MUC6: variants seen among roughly 807,000 people sequenced by gnomAD.
MUC6 encodes mucin-6.
In MUC6, 188 loss-of-function variants were observed where a neutral mutation model predicts 201.5. The ratio of observed to expected loss-of-function variants is 0.93; its 90% CI spans 0.83 to 1.05. MUC6 has a LOEUF of 1.05. MUC6 is among the 50% of genes least tolerant of loss of function. The probability of loss-of-function intolerance (pLI) is 0.00; values close to 1 mark genes in which losing one functional copy is unlikely to be tolerated. For missense variants in MUC6, 2,706 were observed against 3,256.9 expected (o/e 0.83, Z 4.12); for synonymous variants, 1,228 against 1,389.4 (o/e 0.88, Z 2.58).
chr11:1,030,566 G>A lies in MUC6; in HGVS notation c.892+7C>T. ...CCTGCCCCTCCCTCTCCCTTCCCTG[G>A]ACTCACAGCACAGGCCGGGGCTCCG... On this transcript the variant is annotated splice_region_variant and intron_variant, in intron 7 of 32. Coordinates refer to ENST00000421673, the MANE Select transcript of MUC6 (RefSeq NM_005961.3). 1 of 1,493,908 alleles carries A rather than the reference G, an allele frequency of 6.7e-7. No individual in the cohort carries two copies. Among genetic ancestry groups the A allele is most frequent in the Non-Finnish European group, 8.9e-7 (1 of 1,121,402 alleles). The allele number at this position is 1,493,908 out of a possible 1,614,324, so 92.5% of individuals were successfully genotyped here. A position where few individuals can be genotyped will look rare whatever the true frequency, so the allele number is the denominator to read the frequency against.
chr11:1,022,389 T>C (rs1856837527), intron 26 of MUC6, among the ~76,000 whole-genome samples: 1 of 152,222 alleles, frequency 6.6e-6, no homozygotes, highest in Admixed American at 6.5e-5. Flanking sequence ...TCGCTGGCTC[T>C]GCCCGCTGCC....
chr11:1,031,335 C>T, intron 4 of MUC6, 76 bp from the exon 5 acceptor site: 1 of 1,377,634 alleles, frequency 7.3e-7, no homozygotes, highest in Non-Finnish European at 9.8e-7. Flanking sequence ...TCAGTTCCTG[C>T]TCCTGGACCC....
In MUC6 at chr11:1,018,104, C is replaced by G; in HGVS notation, c.4697G>C (p.Ser1566Thr). ...TPVAHTNSAT[S>T]SRPPPPFTTH... ...GGTGAAGGGTGGTGGTGGCCTGCTG[C>G]TGGTGGCTGAGTTGGTGTGGGCCAC... The change falls in exon 31 of 33, where the codon AGC (serine) becomes ACC (threonine). Residue 1566 changes from serine to threonine, a missense_variant. Around this residue, in one of 10 missense-constraint regions of MUC6, gnomAD observed 128 missense variants for 206.5 expected, o/e 0.62. Coordinates refer to ENST00000421673, the MANE Select transcript of MUC6 (RefSeq NM_005961.3). 6.2e-7 allele frequency: 1 copy of G among 1,613,320 alleles called. No individual in the cohort carries two copies. Among genetic ancestry groups the G allele is most frequent in the African/African-American group, 1.3e-5 (1 of 74,564 alleles).
intron 22 of MUC6, 143 bp from the exon 23 acceptor site, chr11:1,025,510 G>T: frequency 9.8e-7 from 1 of 1,021,600 alleles, no homozygotes; most frequent in Non-Finnish European, 1.4e-6. Flanking sequence ...CCAGCTTGGG[G>T]CAGAAGGGCC....
intron 25 of MUC6, 68 bp from the exon 26 acceptor site, chr11:1,023,720 C>T (rs1056281944): frequency 1.3e-6 from 2 of 1,585,860 alleles, no homozygotes; most frequent in Non-Finnish European, 1.7e-6. Context: ...CCGGTGGTTC[C>T]CCTGGGCATG....
In MUC6 at chr11:1,025,788, T is replaced by G; in HGVS notation, c.2799+17A>C. 1 of 1,602,834 alleles carries G rather than the reference T, an allele frequency of 6.2e-7. No individual in the cohort carries two copies. The highest frequency in any genetic ancestry group is 8.5e-7 in the Non-Finnish European group (1 of 1,174,878). On this transcript the variant is annotated intron_variant, in intron 22 of 32. Transcript: ENST00000421673. ...TACCGCCCGTCCTGCCCTGCCAGAG[T>G]CTGCCCGGCTGCTCACCCCCAGGAA...
intron 13 of MUC6, 97 bp from the exon 14 acceptor site, chr11:1,028,484 C>T: frequency 1.9e-6 from 3 of 1,547,806 alleles, no homozygotes; most frequent in Non-Finnish European, 2.6e-6. Flanking sequence ...CTAACAGCAC[C>T]CTGGGTGAGA....
At position 1,023,514 on chromosome 11, in the gene MUC6, A is replaced by T. The variant is rs1338963647; in HGVS notation, c.3521T>A (p.Ile1174Asn). 7 of 1,582,444 alleles carry T rather than the reference A, an allele frequency of 4.4e-6. No individual in the cohort carries two copies. Among genetic ancestry groups the T allele is most frequent in the Non-Finnish European group, 3.4e-6 (4 of 1,164,046 alleles). ...SQPQSVPGSN[I>N]EGCYNCSQDE... is the part of the protein sequence containing the mutation. ...GCCTCCCGGTCACCTGGCACCTTCG[A>T]TGTTGCTGCCTGGGACGCTCTGTGG... Residue 1174 changes from isoleucine (I) to asparagine (N), a missense_variant, in exon 26 of 33, where the codon ATC (isoleucine) becomes AAC (asparagine). By Grantham distance (149) the Ile-to-Asn change is moderately radical. Around this residue, in one of 10 missense-constraint regions of MUC6, gnomAD observed 1,850 missense variants for 1,958.3 expected, o/e 0.94. Transcript: ENST00000421673.
Position 1,028,048 on chromosome 11 carries a change from C to A in MUC6, c.1765G>T (p.Glu589Ter). ...SMSQLNKVCA[E>*]THCSMLLRTG... Reference sequence around the variant, plus strand: ...CTCAGCAGCATGGAGCAGTGGGTCTCTGCACACACCTCTGGGGATGACAGG... The same window carrying A: ...CTCAGCAGCATGGAGCAGTGGGTCTATGCACACACCTCTGGGGATGACAGG... The change falls in exon 15 of 33, where the codon GAG (glutamate) becomes TAG (stop). Residue 589 changes from glutamate (E) to a stop codon, truncating the protein, a stop_gained. Transcript: ENST00000421673. LOFTEE classifies it high-confidence loss of function. 1 of 1,575,716 alleles carries A rather than the reference C, an allele frequency of 6.3e-7. No homozygotes were observed. The highest frequency in any genetic ancestry group is 2.4e-5 in the East Asian group (1 of 42,458).
intron 32 of MUC6, 129 bp downstream of exon 32, chr11:1,013,770 G>T: frequency 7.2e-7 from 1 of 1,387,268 alleles, no homozygotes; most frequent in Non-Finnish European, 9.9e-7. Context: ...GGCGGTGTTG[G>T]GCAGATGGAG....
At chr11:1,035,440 G>A (rs935845114) in intron 1 of MUC6, among the ~76,000 whole-genome samples, 22 of 152,180 alleles carry the variant, frequency 1.4e-4, no homozygotes, top group African/African-American at 4.3e-4. Flanking sequence ...AGAGGGCACC[G>A]CTGGGAGGGC....
chr11:1,015,526 G>T (rs1477015344), intron 31 of MUC6, among the ~76,000 whole-genome samples: 2 of 152,190 alleles, frequency 1.3e-5, no homozygotes, highest in African/African-American at 4.8e-5. Flanking sequence ...GTCAAGGTTA[G>T]CTGGGGAACA....
intron 12 of MUC6, 39 bp downstream of exon 12, chr11:1,028,850 G>T: frequency 6.2e-7 from 1 of 1,610,274 alleles, no homozygotes; most frequent in Non-Finnish European, 8.5e-7. Flanking sequence ...CGCCCCGAAG[G>T]CACAACTCTG....
At position 1,019,621 on chromosome 11, in the gene MUC6, G is replaced by A. The variant is rs11246382; in HGVS notation, c.3809-125C>T. On this transcript the variant is annotated intron_variant, in intron 29 of 32. Transcript: ENST00000421673. ...CTGTCCGGGACTCAGCCTCCTTGGA[G>A]GGGCTCTTCCTCTTGCCTTTGTTAG... is the stretch of plus-strand genomic sequence containing the variant. 9.1e-3 allele frequency: 7,841 copies of A among 864,332 alleles called. 54 individuals are homozygous for A. The highest frequency in any genetic ancestry group is 0.013 in the Middle Eastern group (37 of 2,810). The allele number at this position is 864,332 out of a possible 1,614,324, so 53.5% of individuals were successfully genotyped here. A position where few individuals can be genotyped will look rare whatever the true frequency, so the allele number is the denominator to read the frequency against.
At chr11:1,030,418 C>A in intron 7 of MUC6, 83 bp from the exon 8 acceptor site, 1 of 1,208,162 alleles carries the variant, frequency 8.3e-7, no homozygotes, top group Non-Finnish European at 1.1e-6. Context: ...GAGGACTTAG[C>A]CCAGCCCTTC....
Position 1,016,656 on chromosome 11 carries a change from G to C in MUC6, c.6145C>G (p.Pro2049Ala). Reference sequence around the variant, plus strand: ...GACCCTGTGGCCTTGAGCGTTGTTGGTGGAGGAACGGTGCCTGTTGGCGTT... The same window carrying C: ...GACCCTGTGGCCTTGAGCGTTGTTGCTGGAGGAACGGTGCCTGTTGGCGTT... ...HSTPTGTVPP[P>A]TTLKATGSTH... is the part of the protein sequence containing the mutation. The change falls in exon 31 of 33, where the codon CCA becomes GCA. Residue 2049 changes from proline (P) to alanine (A), a missense_variant. Coordinates refer to ENST00000421673, the MANE Select transcript of MUC6 (RefSeq NM_005961.3). 1 of 1,614,146 alleles carries C rather than the reference G, an allele frequency of 6.2e-7. No homozygotes were observed. The highest frequency in any genetic ancestry group is 8.5e-7 in the Non-Finnish European group (1 of 1,179,924).
In MUC6 at chr11:1,033,207, G is replaced by A; in HGVS notation, c.53-132C>T. 1 of 851,362 alleles carries A rather than the reference G, an allele frequency of 1.2e-6. No homozygotes were observed. The highest frequency in any genetic ancestry group is 2.1e-5 in the Admixed American group (1 of 48,172). The allele number at this position is 851,362 out of a possible 1,614,324, so 52.7% of individuals were successfully genotyped here. On this transcript the variant is annotated intron_variant, in intron 1 of 32. Transcript: ENST00000421673. The surrounding 1 kb of genome is among the most constrained non-coding windows in gnomAD (Gnocchi z 5.6). Reference sequence around the variant, plus strand: ...CGTGCGAGAAGTGTCCATGGCCCGTGGGGCTCGAGGCCTCAACAGCAAGCC... The same window carrying A: ...CGTGCGAGAAGTGTCCATGGCCCGTAGGGCTCGAGGCCTCAACAGCAAGCC...
chr11:1,024,625 G>T (rs544620289), intron 24 of MUC6, among the ~76,000 whole-genome samples: 1 of 152,332 alleles, frequency 6.6e-6, no homozygotes, highest in Admixed American at 6.5e-5. Context: ...GGCATCTGGT[G>T]GGTGGAGGCC....
At chr11:1,019,527 T>C in intron 29 of MUC6, 31 bp from the exon 30 acceptor site, 2 of 1,582,432 alleles carry the variant, frequency 1.3e-6, no homozygotes, top group Non-Finnish European at 1.7e-6. Context: ...GAACATCCCC[T>C]TGCTGTGGGC....
Sources: gnomAD v4.1 joint callset for allele counts (sites outside exome capture counted in the v4.1 genomes callset) on GRCh38, gnomAD v4.1.1 for gene constraint, gnomAD v4.1.1 regional missense constraint, Gnocchi (gnomAD v3.1) non-coding constraint, MANE v1.5 for transcripts, NCBI Gene and HGNC (gene_info 2026-07-23, HGNC 2026-07-21) for gene names.